ANXA10: variants seen among roughly 807,000 people sequenced by gnomAD.
ANXA10 encodes annexin 14.
ANXA10 carries 49 observed loss-of-function variants against 53.5 expected under a neutral mutation model. The ratio of observed to expected loss-of-function variants is 0.92; its 90% CI spans 0.73 to 1.16. The LOEUF is 1.16. Ranked by LOEUF, ANXA10 falls within the 50% of genes most tolerant of loss-of-function variation. The probability of loss-of-function intolerance (pLI) is 0.00; values close to 1 mark genes in which losing one functional copy is unlikely to be tolerated. For missense variants in ANXA10, 393 were observed against 394.4 expected (o/e 1.00, Z 0.03); for synonymous variants, 131 against 128.9 (o/e 1.02, Z -0.11).
intron 3 of ANXA10, among the ~76,000 whole-genome samples, chr4:168,155,475 AATTATAT>A (rs1197641309): frequency 6.8e-5 from 1 of 14,664 alleles, no homozygotes. Context: ...TATAATTATA[AATTATAT>A]ATTATATAAT....
At chr4:168,173,537 T>C (rs767274252) in intron 6 of ANXA10, among the ~76,000 whole-genome samples, 33 of 152,216 alleles carry the variant, frequency 2.2e-4, no homozygotes, top group Non-Finnish European at 4.1e-4. Flanking sequence ...GTAAGGAGGC[T>C]GCTTCAGCAG....
At chr4:168,122,793 G>A (rs1019171127) in intron 1 of ANXA10, among the ~76,000 whole-genome samples, 8 of 152,164 alleles carry the variant, frequency 5.3e-5, no homozygotes, top group Non-Finnish European at 1.0e-4. Flanking sequence ...ATCAAGCCAT[G>A]AGGTATCCAC....
intron 2 of ANXA10, among the ~76,000 whole-genome samples, chr4:168,136,877 C>A (rs1188638356): frequency 6.6e-6 from 1 of 152,240 alleles, no homozygotes; most frequent in Non-Finnish European, 1.5e-5. Flanking sequence ...GCTTCTGCAG[C>A]AGATGTCTGC....
chr4:168,165,206 T>C, intron 5 of ANXA10, 41 bp from the exon 6 acceptor site: 1 of 1,320,348 alleles, frequency 7.6e-7, no homozygotes. Context: ...TGATACATAG[T>C]TCTATAATAA....
chr4:168,115,490 T>TAC (rs1305913414), intron 1 of ANXA10, among the ~76,000 whole-genome samples: 2 of 105,066 alleles, frequency 1.9e-5, no homozygotes, highest in Non-Finnish European at 3.8e-5. Context: ...CTCCCTACAA[T>TAC]ACACACGCAC....
intron 8 of ANXA10, among the ~76,000 whole-genome samples, chr4:168,178,966 G>A (rs1236157819): frequency 2.0e-5 from 3 of 152,082 alleles, no homozygotes; most frequent in African/African-American, 7.2e-5. Flanking sequence ...GTGAGTTAGT[G>A]GGTCCCACTG....
intron 10 of ANXA10, among the ~76,000 whole-genome samples, chr4:168,182,431 C>T (rs369948512): frequency 4.7e-4 from 65 of 139,688 alleles, no homozygotes; most frequent in South Asian, 2.9e-3. Flanking sequence ...CCCGGGTTCA[C>T]GCCATTCTCC....
intron 5 of ANXA10, 126 bp from the exon 6 acceptor site, chr4:168,165,121 T>C (rs1280117805): frequency 4.3e-6 from 2 of 459,866 alleles, no homozygotes; most frequent in African/African-American, 4.1e-5. Flanking sequence ...GACAAAGAAA[T>C]GTCAACAGGT....
Position 168,099,746 on chromosome 4 carries a change from T to A in ANXA10, c.18+7028T>A, listed in dbSNP as rs73864844. Reference sequence around the variant, plus strand: ...AATGACTTCTAATTTCATGACTTAGTGGACTTGGTCTTTTTTTTAAATATA... The same window carrying A: ...AATGACTTCTAATTTCATGACTTAGAGGACTTGGTCTTTTTTTTAAATATA... On this transcript the variant is annotated intron_variant, in intron 1 of 11. Transcript: ENST00000359299. 1.9e-3 allele frequency among the ~76,000 whole-genome samples: 293 copies of A among 152,244 alleles called. 1 individual carries two copies. The highest frequency in any genetic ancestry group is 6.8e-3 in the African/African-American group (283 of 41,558).
chr4:168,119,045 T>C (rs879563906), intron 1 of ANXA10, among the ~76,000 whole-genome samples: 1 of 152,208 alleles, frequency 6.6e-6, no homozygotes, highest in Non-Finnish European at 1.5e-5. Flanking sequence ...TATTTACTCA[T>C]TATCTACATG....
chr4:168,176,517 ATC>A (rs1239644850), intron 6 of ANXA10, among the ~76,000 whole-genome samples: 1 of 152,136 alleles, frequency 6.6e-6, no homozygotes, highest in Non-Finnish European at 1.5e-5. Context: ...AAACAACTCA[ATC>A]TGGCAAGCTT....
At chr4:168,156,340 ATATATGT>A (rs1731678973) in intron 3 of ANXA10, among the ~76,000 whole-genome samples, 2 of 116,174 alleles carry the variant, frequency 1.7e-5, no homozygotes, top group East Asian at 3.0e-4. Flanking sequence ...ATTATATAGT[ATATATGT>A]TATATAATAT....
chr4:168,111,041 TG>T (rs1232802121), intron 1 of ANXA10, among the ~76,000 whole-genome samples: 1 of 152,210 alleles, frequency 6.6e-6, no homozygotes, highest in Non-Finnish European at 1.5e-5. Context: ...TTTCTGTTTG[TG>T]AAATAGATGA....
At chr4:168,102,586 T>G (rs756740459) in intron 1 of ANXA10, among the ~76,000 whole-genome samples, 5 of 152,130 alleles carry the variant, frequency 3.3e-5, no homozygotes, top group Admixed American at 2.6e-4. Context: ...TTCTGCCATT[T>G]TATTGCTGAG....
chr4:168,125,017 G>A (rs563030813), intron 1 of ANXA10, among the ~76,000 whole-genome samples: 3 of 152,252 alleles, frequency 2.0e-5, no homozygotes, highest in East Asian at 3.9e-4. Flanking sequence ...TGAAGGGCTC[G>A]TTAACTGCGG....
intron 8 of ANXA10, among the ~76,000 whole-genome samples, chr4:168,178,753 A>C (rs1732183039): frequency 6.6e-6 from 1 of 152,212 alleles, no homozygotes; most frequent in African/African-American, 2.4e-5. Context: ...GTCTACACCC[A>C]AAAAGTTGAT....
At chr4:168,173,073 A>C (rs1732046728) in intron 6 of ANXA10, among the ~76,000 whole-genome samples, 1 of 152,196 alleles carries the variant, frequency 6.6e-6, no homozygotes, top group South Asian at 2.1e-4. Context: ...TACAGGCATG[A>C]GCCACTGTGC....
intron 1 of ANXA10, among the ~76,000 whole-genome samples, chr4:168,114,152 T>C (rs891530834): frequency 6.6e-6 from 1 of 152,230 alleles, no homozygotes; most frequent in African/African-American, 2.4e-5. Context: ...TATCCAACAT[T>C]AGGTAATCTC....
At chr4:168,118,833 A>G (rs915526081) in intron 1 of ANXA10, among the ~76,000 whole-genome samples, 2 of 152,220 alleles carry the variant, frequency 1.3e-5, no homozygotes, top group Non-Finnish European at 2.9e-5. Context: ...TACTTGGAGA[A>G]AGAAATAATA....
Sources: allele counts gnomAD v4.1 joint callset (sites outside exome capture counted in the v4.1 genomes callset), GRCh38; gene constraint gnomAD v4.1.1; transcripts MANE v1.5; gene names NCBI Gene and HGNC (gene_info 2026-07-23, HGNC 2026-07-21).